LEPR: variants seen among roughly 807,000 people sequenced by gnomAD.
LEPR encodes OB receptor.
Under a neutral mutation model 114.7 loss-of-function variants are expected in LEPR, and 56 were observed. The observed-to-expected ratio is 0.49, with a 90% CI of 0.39 to 0.61. The LOEUF is 0.61. Among genes scored for constraint, LEPR ranks in the 20% least tolerant of loss-of-function variants. The pLI, the probability that LEPR is intolerant of heterozygous loss-of-function variation, is 0.00. For missense variants in LEPR, 1,202 were observed against 1,352.9 expected, an observed-to-expected ratio of 0.89 and a Z score of 1.75; for synonymous variants, 443 against 461.4, an observed-to-expected ratio of 0.96 and a Z score of 0.51.
intron 2 of LEPR, among the ~76,000 whole-genome samples, chr1:65,563,366 T>G (rs1318067644): frequency 4.4e-5 from 3 of 68,274 alleles, no homozygotes; most frequent in Non-Finnish European, 9.1e-5. Flanking sequence ...GGCTTCTGCA[T>G]TCTTCACGTA....
intron 2 of LEPR, among the ~76,000 whole-genome samples, chr1:65,536,653 G>T (rs567721921): frequency 1.3e-5 from 2 of 151,744 alleles, no homozygotes; most frequent in East Asian, 1.9e-4. Flanking sequence ...ATAAATCAAA[G>T]ATTTCGGTTA....
intron 2 of LEPR, among the ~76,000 whole-genome samples, chr1:65,446,839 T>G (rs1646720215): frequency 6.6e-6 from 1 of 152,196 alleles, no homozygotes. Context: ...AAAATCTAAT[T>G]TATCTTTTTT....
chr1:65,624,663 A>G (rs990769189), intron 19 of LEPR, among the ~76,000 whole-genome samples: 1 of 152,228 alleles, frequency 6.6e-6, no homozygotes, highest in Non-Finnish European at 1.5e-5. Flanking sequence ...CTTGCTTGAA[A>G]TAGAATGTTT....
intron 2 of LEPR, among the ~76,000 whole-genome samples, chr1:65,503,459 A>G (rs1648565211): frequency 6.6e-6 from 1 of 152,112 alleles, no homozygotes; most frequent in South Asian, 2.1e-4. Flanking sequence ...ATGAGCAGAG[A>G]TTGTAAGACT....
intron 5 of LEPR, chr1:65,576,538 A>G (rs1173123359): frequency 6.5e-6 from 1 of 154,044 alleles, no homozygotes; most frequent in African/African-American, 2.5e-5. Flanking sequence ...TCTACTGATA[A>G]AAGTGGGTTG....
At chr1:65,423,031 A>G (rs1307901482) in intron 1 of LEPR, among the ~76,000 whole-genome samples, 3 of 152,206 alleles carry the variant, frequency 2.0e-5, no homozygotes, top group Non-Finnish European at 2.9e-5. Context: ...CTACTGATTC[A>G]TTGGAAGGTG....
chr1:65,617,432 C>T (rs1657596582), intron 15 of LEPR, among the ~76,000 whole-genome samples: 1 of 152,186 alleles, frequency 6.6e-6, no homozygotes, highest in African/African-American at 2.4e-5. Context: ...GCAGCCAGAT[C>T]AAAAGTCTAT....
intron 2 of LEPR, among the ~76,000 whole-genome samples, chr1:65,442,585 T>C (rs1343015547): frequency 6.6e-6 from 1 of 152,236 alleles, no homozygotes; most frequent in African/African-American, 2.4e-5. Flanking sequence ...TTAAATATTT[T>C]ACAGAGTCTG....
intron 2 of LEPR, among the ~76,000 whole-genome samples, chr1:65,477,471 T>C (rs1437816793): frequency 6.6e-6 from 1 of 152,244 alleles, no homozygotes; most frequent in Admixed American, 6.5e-5. Flanking sequence ...AGAAATGCTG[T>C]ACTATTTCCA....
rs189170708 is a variant in LEPR at position 65,521,827 on chromosome 1, C to T, written c.-20-43719C>T. Among the ~76,000 whole-genome samples, 775 of 152,110 alleles carry T rather than the reference C, an allele frequency of 5.1e-3. 2 individuals are homozygous for T. Among genetic ancestry groups the T allele is most frequent in the Non-Finnish European group, 9.3e-3 (631 of 67,992 alleles). ...TAAATAGTCTATTGCTGGCTGGGCA[C>T]GGTGGCTCACACCTGTAATCCCAGC... On this transcript the variant is annotated intron_variant, in intron 2 of 19. Coordinates refer to ENST00000349533, the MANE Select transcript of LEPR (RefSeq NM_002303.6).
chr1:65,502,995 G>C (rs529005608), intron 2 of LEPR, among the ~76,000 whole-genome samples: 17 of 151,978 alleles, frequency 1.1e-4, no homozygotes, highest in African/African-American at 4.1e-4. Context: ...ATGGATGAGG[G>C]AGGGAGAGAG....
intron 5 of LEPR, among the ~76,000 whole-genome samples, chr1:65,581,455 T>C (rs550999600): frequency 1.1e-4 from 16 of 152,164 alleles, no homozygotes; most frequent in South Asian, 6.2e-4. Context: ...AAGGCTTTTT[T>C]TTTTTTTCCA....
chr1:65,631,937 T>C (rs2101039384), intron 19 of LEPR, among the ~76,000 whole-genome samples: 1 of 152,336 alleles, frequency 6.6e-6, no homozygotes, highest in South Asian at 2.1e-4. Flanking sequence ...TTTTATTCTT[T>C]ATTTTACAAT....
intron 2 of LEPR, among the ~76,000 whole-genome samples, chr1:65,510,785 C>T (rs1648989351): frequency 6.6e-6 from 1 of 152,082 alleles, no homozygotes; most frequent in Non-Finnish European, 1.5e-5. Flanking sequence ...GGAAAGGGGC[C>T]CTGCACCTAG....
intron 2 of LEPR, among the ~76,000 whole-genome samples, chr1:65,543,222 G>A (rs535157196): frequency 1.3e-5 from 2 of 152,060 alleles, no homozygotes; most frequent in South Asian, 2.1e-4. Flanking sequence ...GTGATGATGA[G>A]CTTTTTTTTC....
At chr1:65,619,553 G>A (rs7540268) in intron 16 of LEPR, among the ~76,000 whole-genome samples, 31,867 of 151,920 alleles carry the variant, frequency 0.21, 4,512 homozygotes, top group East Asian at 0.78. Flanking sequence ...AAAAAAAGGA[G>A]TATTGCCCAC....
intron 2 of LEPR, among the ~76,000 whole-genome samples, chr1:65,506,384 T>G (rs1371801577): frequency 6.6e-6 from 1 of 152,120 alleles, no homozygotes; most frequent in Non-Finnish European, 1.5e-5. Flanking sequence ...ATGTTTTGAG[T>G]CTCAAAAACA....
At chr1:65,521,117 T>C (rs573286939) in intron 2 of LEPR, among the ~76,000 whole-genome samples, 1 of 152,368 alleles carries the variant, frequency 6.6e-6, no homozygotes, top group Admixed American at 6.5e-5. Flanking sequence ...TAACCTGATT[T>C]TTCCGTAACA....
At chr1:65,500,862 A>T (rs891384950) in intron 2 of LEPR, among the ~76,000 whole-genome samples, 1 of 152,112 alleles carries the variant, frequency 6.6e-6, no homozygotes, top group African/African-American at 2.4e-5. Flanking sequence ...GTTATTCTTT[A>T]AATTCCAGCA....
Sources: gnomAD v4.1 joint callset for allele counts (sites outside exome capture counted in the v4.1 genomes callset) on GRCh38, gnomAD v4.1.1 for gene constraint, MANE v1.5 for transcripts, NCBI Gene and HGNC (gene_info 2026-07-23, HGNC 2026-07-21) for gene names.